Variants in PKP2 observed in about 807,000 individuals in gnomAD.
The protein encoded by PKP2 is plakophilin 2, also known as plakophilin-2.
PKP2 carries 73 observed loss-of-function variants against 83.4 expected under a neutral mutation model. The ratio of observed to expected loss-of-function variants is 0.88; its 90% CI spans 0.72 to 1.06. The LOEUF (loss-of-function observed/expected upper bound fraction) is 1.06. Among genes scored for constraint, PKP2 ranks in the 50% least tolerant of loss-of-function variants. PKP2 has a pLI of 0.00. For synonymous variants in PKP2, 409 were observed against 430.4 expected (o/e 0.95, Z 0.62); for missense variants, 966 against 1,065.4 (o/e 0.91, Z 1.30).
At chr12:32,890,903 T>C (rs1404739241) in intron 1 of PKP2, among the ~76,000 whole-genome samples, 39 of 144,592 alleles carry the variant, frequency 2.7e-4, no homozygotes, top group African/African-American at 9.6e-4. Flanking sequence ...GAGGTTGCAG[T>C]GAGCCGAGAT....
At chr12:32,823,179 C>A (rs1285616498) in intron 7 of PKP2, among the ~76,000 whole-genome samples, 2 of 152,042 alleles carry the variant, frequency 1.3e-5, no homozygotes, top group Non-Finnish European at 2.9e-5. Flanking sequence ...CTTTGGGAGG[C>A]TGAGGTGATG....
chr12:32,868,938 C>A lies in PKP2; in HGVS notation c.1159G>T (p.Ala387Ser). Residue 387 changes from alanine (A) to serine (S), a missense_variant, in exon 4 of 13, where the codon GCT (alanine) becomes TCT (serine). Coordinates refer to ENST00000340811, the MANE Select transcript of PKP2 (RefSeq NM_001005242.3). ...AAGATGACACTCACCCTCTTCCGAG[C>A]TTCAGATTTCTGGAAGCACTCGTGC... ...IQHECFQKSE[A>S]RKRVNQLRGI... The A allele has an allele frequency of 6.2e-7, 1 of 1,613,272 alleles. No homozygotes were observed. Among genetic ancestry groups the A allele is most frequent in the Non-Finnish European group, 8.5e-7 (1 of 1,180,012 alleles).
intron 10 of PKP2, among the ~76,000 whole-genome samples, chr12:32,797,021 T>G (rs1332325302): frequency 6.6e-6 from 1 of 152,156 alleles, no homozygotes; most frequent in Non-Finnish European, 1.5e-5. Flanking sequence ...GGACTATGAT[T>G]AACTAAAACA....
intron 5 of PKP2, among the ~76,000 whole-genome samples, chr12:32,850,020 T>C (rs548560339): frequency 2.6e-5 from 4 of 152,298 alleles, no homozygotes; most frequent in South Asian, 4.1e-4. Context: ...CTGGGTGTGG[T>C]TCTTGTCAGT....
intron 3 of PKP2, 96 bp from the exon 4 acceptor site, chr12:32,869,158 G>T: frequency 2.2e-6 from 3 of 1,392,566 alleles, no homozygotes; most frequent in Non-Finnish European, 3.0e-6. Context: ...ATACTGGGAA[G>T]CACTAGAACA....
intron 6 of PKP2, among the ~76,000 whole-genome samples, chr12:32,826,075 C>A (rs1029246473): frequency 1.3e-5 from 2 of 151,894 alleles, no homozygotes; most frequent in African/African-American, 4.8e-5. Flanking sequence ...GAGGCCGAGG[C>A]AGGCGGATCA....
In PKP2 at chr12:32,868,465, C is replaced by G. The variant is rs145891523; in HGVS notation, c.1170+462G>C. Among the ~76,000 whole-genome samples the G allele has an allele frequency of 8.6e-3, 1,308 of 152,256 alleles. 4 individuals are homozygous for G. Among genetic ancestry groups the G allele is most frequent in the Middle Eastern group, 0.024 (7 of 294 alleles). ...CTCCTTGCCTCAAGTGATCTGCCCA[C>G]CTTGGCCTCCCAAAGTGCTGGGATT... is the stretch of plus-strand genomic sequence containing the variant. On this transcript the variant is annotated intron_variant, in intron 4 of 12. Coordinates refer to ENST00000340811, the MANE Select transcript of PKP2 (RefSeq NM_001005242.3).
chr12:32,868,807 C>T, intron 4 of PKP2, 120 bp downstream of exon 4: 4 of 1,127,324 alleles, frequency 3.5e-6, no homozygotes, highest in Non-Finnish European at 5.3e-6. Context: ...TAGGCGTGAA[C>T]CACCACGCAC....
intron 12 of PKP2, 22 bp downstream of exon 12, chr12:32,792,622 C>T (rs2137697773): frequency 6.2e-7 from 1 of 1,601,818 alleles, no homozygotes; most frequent in African/African-American, 1.3e-5. Context: ...AACTATGACA[C>T]ATTCCTTGTT....
chr12:32,879,660 C>T (rs1207968148), intron 1 of PKP2, among the ~76,000 whole-genome samples: 1 of 151,616 alleles, frequency 6.6e-6, no homozygotes, highest in African/African-American at 2.4e-5. Context: ...GAAAGCCCCT[C>T]TCTACTAAAA....
intron 9 of PKP2, among the ~76,000 whole-genome samples, chr12:32,819,798 G>A (rs1005564666): frequency 7.9e-5 from 12 of 152,098 alleles, no homozygotes; most frequent in African/African-American, 2.7e-4. Context: ...GAATGGAAGA[G>A]GCTAAAATCC....
chr12:32,851,147 T>TA (rs557098223), intron 4 of PKP2, among the ~76,000 whole-genome samples, 174 bp from the exon 5 acceptor site: 184 of 152,326 alleles, frequency 1.2e-3, no homozygotes, highest in African/African-American at 4.2e-3. Flanking sequence ...TAAGGCAGTA[T>TA]CTGTCATCAA....
intron 9 of PKP2, among the ~76,000 whole-genome samples, chr12:32,811,530 T>C (rs1956277262): frequency 1.3e-5 from 2 of 152,248 alleles, no homozygotes; most frequent in Non-Finnish European, 2.9e-5. Context: ...AACCAGACTA[T>C]TGATTATTCA....
chr12:32,794,537 G>A (rs1956103798), intron 11 of PKP2, among the ~76,000 whole-genome samples: 1 of 152,206 alleles, frequency 6.6e-6, no homozygotes, highest in African/African-American at 2.4e-5. Flanking sequence ...AAGTAACAGA[G>A]TAGCTCACCC....
At chr12:32,860,724 A>AT (rs1277300349) in intron 4 of PKP2, among the ~76,000 whole-genome samples, 2 of 151,978 alleles carry the variant, frequency 1.3e-5, no homozygotes. Context: ...TTCAAGTAAA[A>AT]TTTTTTTTAA....
chr12:32,819,282 T>TAAATAAAATAAAATA (rs1214194319), intron 9 of PKP2, among the ~76,000 whole-genome samples: 1 of 112,094 alleles, frequency 8.9e-6, no homozygotes, highest in African/African-American at 3.7e-5. Context: ...CGCCTCAAAA[T>TAAATAAAATAAAATA]AAATACAATA....
Position 32,792,425 on chromosome 12 carries a change from C to G in PKP2, c.2513G>C (p.Ter838SerextTer3). 3 of 1,611,454 alleles carry G rather than the reference C, an allele frequency of 1.9e-6. No homozygotes were observed. The highest frequency in any genetic ancestry group is 2.5e-6 in the Non-Finnish European group (3 of 1,177,528). Residue 838 changes from the stop codon to serine, a stop_lost, in exon 13 of 13, where the codon TGA becomes TCA. Coordinates refer to ENST00000340811, the MANE Select transcript of PKP2 (RefSeq NM_001005242.3). ...TAKAYHSLKD[*>S] Reference sequence around the variant, plus strand: ...GCCGAGAATACTTTGTCATTTTCCTCAGTCTTTAAGGGAGTGGTAGGCTTT... The same window carrying G: ...GCCGAGAATACTTTGTCATTTTCCTGAGTCTTTAAGGGAGTGGTAGGCTTT...
At chr12:32,815,606 A>G (rs942146833) in intron 9 of PKP2, among the ~76,000 whole-genome samples, 3 of 152,250 alleles carry the variant, frequency 2.0e-5, no homozygotes, top group Non-Finnish European at 2.9e-5. Flanking sequence ...AAGTCACAAA[A>G]TATTTCTTAA....
intron 9 of PKP2, among the ~76,000 whole-genome samples, chr12:32,808,634 T>A (rs1196836566): frequency 6.6e-6 from 1 of 152,230 alleles, no homozygotes; most frequent in Non-Finnish European, 1.5e-5. Context: ...CGTTTTTGCA[T>A]TGATTCTTTC....
Sources: allele counts gnomAD v4.1 joint callset (sites outside exome capture counted in the v4.1 genomes callset), GRCh38; gene constraint gnomAD v4.1.1; transcripts MANE v1.5; gene names NCBI Gene and HGNC (gene_info 2026-07-23, HGNC 2026-07-21).